The following ZNF236 variants were observed in gnomAD, a reference collection of about 807,000 sequenced individuals.
ZNF236 encodes regulated by glucose.
A neutral mutation model predicts 191.2 loss-of-function variants in ZNF236; 50 were observed. That is an observed-to-expected ratio of 0.26 (90% CI 0.21 to 0.33). ZNF236 has a LOEUF of 0.33. Among genes scored for constraint, ZNF236 ranks in the 10% least tolerant of loss-of-function variants. The pLI is 1.00. For synonymous variants in ZNF236, 907 were observed against 928.8 expected, an observed-to-expected ratio of 0.98 and a Z score of 0.43; for missense variants, 1,754 against 2,374.5, an observed-to-expected ratio of 0.74 and a Z score of 5.43.
Position 76,947,533 on chromosome 18 carries a change from C to T in ZNF236, c.4795C>T (p.Pro1599Ser), listed in dbSNP as rs1968291347. Residue 1599 changes from proline (P) to serine (S), a missense_variant, in exon 27 of 31, where the codon CCA (proline) becomes TCA (serine). This residue lies in a region of ZNF236 where 606 missense variants were observed against 761.5 expected (regional missense o/e 0.80). Coordinates refer to ENST00000320610, the MANE Select transcript of ZNF236 (RefSeq NM_001306089.2). ...AATCTTTTGCCAGGGTCAGCAGTTC[C>T]CAGCGCTCCTCACGGATCCCTCTCT... ...LNITSQGQQF[P>S]ALLTDPSLSG... 6.2e-7 allele frequency: 1 copy of T among 1,613,608 alleles called. No individual in the cohort carries two copies. The highest frequency in any genetic ancestry group is 1.3e-5 in the African/African-American group (1 of 74,862).
Position 76,915,630 on chromosome 18 carries a change from T to A in ZNF236, c.3062-17T>A. 6.2e-7 allele frequency: 1 copy of A among 1,612,552 alleles called. No individual in the cohort carries two copies. Among genetic ancestry groups the A allele is most frequent in the Non-Finnish European group, 8.5e-7 (1 of 1,179,678 alleles). On this transcript the variant is annotated splice_polypyrimidine_tract_variant and intron_variant, in intron 18 of 30. Transcript: ENST00000320610. ...TAGGATTGGTTCCAGCCGTTTTTTC[T>A]GTTTCTGTGCTTGCAGGAGTGAAGG...
chr18:76,968,888 T>C lies in ZNF236; in HGVS notation c.*549T>C. On this transcript the variant is annotated 3_prime_UTR_variant, in exon 31 of 31. Coordinates refer to ENST00000320610, the MANE Select transcript of ZNF236 (RefSeq NM_001306089.2). ...CTCTTTTCAGTCTACCATAAGTTAA[T>C]ATAACTGATACCTTGAGAGATGGCT... The C allele has an allele frequency of 2.0e-6, 2 of 986,326 alleles. No individual in the cohort carries two copies. Among genetic ancestry groups the C allele is most frequent in the Non-Finnish European group, 2.4e-6 (2 of 830,510 alleles). 61.1% of individuals were successfully genotyped at this position (986,326 alleles called of 1,614,324 possible).
chr18:76,931,632 T>C (rs1967849513), intron 25 of ZNF236, among the ~76,000 whole-genome samples: 2 of 152,274 alleles, frequency 1.3e-5, no homozygotes, highest in South Asian at 2.1e-4. Context: ...GAAAATAGAA[T>C]AGAAAAATGG....
At chr18:76,958,781 CG>C (rs1968588787) in intron 28 of ZNF236, among the ~76,000 whole-genome samples, 1 of 152,142 alleles carries the variant, frequency 6.6e-6, no homozygotes, top group African/African-American at 2.4e-5. Context: ...ACTCACCTCC[CG>C]AGTTTGTTTT....
At chr18:76,959,870 G>A (rs1968617782) in intron 29 of ZNF236, 54 bp downstream of exon 29, 2 of 1,575,674 alleles carry the variant, frequency 1.3e-6, no homozygotes. Context: ...AGACATCATG[G>A]GTGAGAAAAC....
At chr18:76,947,962 C>T (rs574355782) in intron 27 of ZNF236, among the ~76,000 whole-genome samples, 1 of 152,198 alleles carries the variant, frequency 6.6e-6, no homozygotes, top group South Asian at 2.1e-4. Flanking sequence ...ATTATATTTG[C>T]CTGCTGATCA....
At chr18:76,920,149 A>G in intron 20 of ZNF236, 91 bp downstream of exon 20, 9 of 1,446,670 alleles carry the variant, frequency 6.2e-6, no homozygotes, top group East Asian at 2.5e-5. Context: ...CAGCAGGGCC[A>G]TTAGTTTCTG....
At chr18:76,958,404 G>T (rs77248668) in intron 28 of ZNF236, among the ~76,000 whole-genome samples, 5 of 152,130 alleles carry the variant, frequency 3.3e-5, no homozygotes, top group Non-Finnish European at 7.4e-5. Flanking sequence ...TGTTCCCACC[G>T]CAGGAGATTT....
intron 2 of ZNF236, among the ~76,000 whole-genome samples, chr18:76,850,170 A>G (rs965361089): frequency 1.1e-4 from 16 of 152,158 alleles, no homozygotes; most frequent in African/African-American, 3.9e-4. Context: ...TTAGTGCCTT[A>G]ATGGAATGAT....
intron 6 of ZNF236, among the ~76,000 whole-genome samples, chr18:76,876,427 C>T (rs982462066): frequency 6.6e-6 from 1 of 152,074 alleles, no homozygotes; most frequent in Admixed American, 6.5e-5. Flanking sequence ...TAGAATAATA[C>T]CTTAACTAAC....
intron 3 of ZNF236, among the ~76,000 whole-genome samples, chr18:76,853,342 A>T (rs1248663923): frequency 1.3e-5 from 2 of 151,872 alleles, no homozygotes; most frequent in Admixed American, 1.3e-4. Context: ...GCCTCCCAAA[A>T]TGCTGGCATT....
chr18:76,863,232 G>A (rs1217548249), intron 3 of ZNF236, among the ~76,000 whole-genome samples: 1 of 152,178 alleles, frequency 6.6e-6, no homozygotes, highest in Non-Finnish European at 1.5e-5. Context: ...TTCTACATTT[G>A]CATCATGGTC....
chr18:76,899,171 A>G lies in ZNF236; in HGVS notation c.1843A>G (p.Ile615Val), dbSNP rs608433. Residue 615 changes from isoleucine (I) to valine (V), a missense_variant, in exon 11 of 31, where the codon ATT becomes GTT. Physicochemically the swap from Ile to Val is conservative, Grantham distance 29. Coordinates refer to ENST00000320610, the MANE Select transcript of ZNF236 (RefSeq NM_001306089.2). ...PAKVRVGKTN[I>V]PVPDIPLQEP... ...AAAGGTCCGTGTTGGCAAGACGAAT[A>G]TTCCAGTCCCTGATATTCCTTTGCA... is the stretch of plus-strand genomic sequence containing the variant. 0.95 allele frequency: 1,539,686 copies of G among 1,614,078 alleles called. 734,839 individuals carry two copies. Among genetic ancestry groups the G allele is most frequent in the Admixed American group, 0.97 (57,961 of 60,022 alleles).
chr18:76,832,943 T>C (rs1158652805), intron 1 of ZNF236, among the ~76,000 whole-genome samples: 2 of 152,208 alleles, frequency 1.3e-5, no homozygotes, highest in Admixed American at 1.3e-4. Context: ...CAAATATTGT[T>C]AAATTTACTC....
intron 16 of ZNF236, among the ~76,000 whole-genome samples, chr18:76,911,518 C>G (rs755455070): frequency 3.3e-5 from 5 of 152,170 alleles, no homozygotes; most frequent in Non-Finnish European, 7.4e-5. Context: ...CTGTGCAAAT[C>G]CAGTTCTGTT....
intron 1 of ZNF236, among the ~76,000 whole-genome samples, chr18:76,837,686 C>T (rs1975377822): frequency 6.6e-6 from 1 of 152,110 alleles, no homozygotes. Context: ...AGTCAATCCG[C>T]CCGCCTAGCC....
At chr18:76,860,239 A>G (rs547134252) in intron 3 of ZNF236, among the ~76,000 whole-genome samples, 7 of 152,222 alleles carry the variant, frequency 4.6e-5, no homozygotes, top group Admixed American at 2.6e-4. Context: ...ATGTCTGTGC[A>G]TGCCACATGT....
At position 76,890,609 on chromosome 18, in the gene ZNF236, A is replaced by AT. The variant is rs199501930; in HGVS notation, c.1418-4396dup. On this transcript the variant is annotated intron_variant, in intron 9 of 30. Transcript: ENST00000320610. Reference sequence around the variant, plus strand: ...TTCAAGAAATTATCAAAATTTGGGGATTTTTTTTACTCATCCAATGGGTTA... The same window carrying AT: ...TTCAAGAAATTATCAAAATTTGGGGATTTTTTTTTACTCATCCAATGGGTTA... Among the ~76,000 whole-genome samples the AT allele has an allele frequency of 2.8e-3, 428 of 152,082 alleles. 1 individual carries two copies. The highest frequency in any genetic ancestry group is 0.017 in the Middle Eastern group (5 of 294).
intron 11 of ZNF236, among the ~76,000 whole-genome samples, chr18:76,903,476 G>A (rs1321996132): frequency 6.6e-6 from 1 of 152,182 alleles, no homozygotes; most frequent in African/African-American, 2.4e-5. Context: ...AACAGAGTGT[G>A]TTCAGAGGTG....
Sources: gnomAD v4.1 joint callset for allele counts (sites outside exome capture counted in the v4.1 genomes callset) on GRCh38, gnomAD v4.1.1 for gene constraint, gnomAD v4.1.1 regional missense constraint, MANE v1.5 for transcripts, NCBI Gene and HGNC (gene_info 2026-07-23, HGNC 2026-07-21) for gene names.